DLGAP4: variants seen among roughly 807,000 people sequenced by gnomAD.
DLGAP4 encodes the protein disks large-associated protein 4.
Under a neutral mutation model 86.9 loss-of-function variants are expected in DLGAP4, and 18 were observed. The observed-to-expected ratio is 0.21, with a 90% confidence interval of 0.14 to 0.31. The LOEUF (loss-of-function observed/expected upper bound fraction) is 0.31, where lower values mean the gene tolerates loss of function less well. Ranked by LOEUF, DLGAP4 falls within the 10% of genes least tolerant of loss-of-function variation. The probability of loss-of-function intolerance (pLI) is 1.00; values close to 1 mark genes in which losing one functional copy is unlikely to be tolerated. For missense variants in DLGAP4, 1,085 were observed against 1,362.6 expected (o/e 0.80, Z 3.21); for synonymous variants, 548 against 574.3 (o/e 0.95, Z 0.65).
chr20:36,347,320 G>A (rs2029976315), intron 1 of DLGAP4, among the ~76,000 whole-genome samples: 1 of 152,180 alleles, frequency 6.6e-6, no homozygotes, highest in Non-Finnish European at 1.5e-5. Flanking sequence ...GGGCTTAGAG[G>A]GAGGAAAGAT....
intron 2 of DLGAP4, among the ~76,000 whole-genome samples, chr20:36,379,155 C>A (rs931611834): frequency 1.1e-4 from 17 of 152,142 alleles, no homozygotes; most frequent in Admixed American, 1.0e-3. Context: ...TCCTCTCAAG[C>A]ACACACTGGA....
At position 36,338,086 on chromosome 20, in the gene DLGAP4, C is replaced by T. The variant is rs116961470; in HGVS notation, c.-303-28959C>T. On this transcript the variant is annotated intron_variant, in intron 1 of 12. Transcript: ENST00000339266. ...CTGTGCCCCTGAACCTCATGGTCCT[C>T]AGCTGCCCAGGAAGCTGGGAAGGTT... Among the ~76,000 whole-genome samples the T allele has an allele frequency of 3.5e-3, 526 of 152,326 alleles. 2 individuals carry two copies. Among genetic ancestry groups the T allele is most frequent in the Admixed American group, 5.5e-3 (84 of 15,308 alleles).
intron 1 of DLGAP4, among the ~76,000 whole-genome samples, chr20:36,319,535 A>G (rs1555890310): frequency 2.6e-5 from 4 of 152,176 alleles, no homozygotes; most frequent in African/African-American, 9.7e-5. Flanking sequence ...AGCTCACAGA[A>G]GGGCCAGCCT....
intron 2 of DLGAP4, among the ~76,000 whole-genome samples, chr20:36,415,134 C>T (rs2032615834): frequency 6.6e-6 from 1 of 152,104 alleles, no homozygotes; most frequent in African/African-American, 2.4e-5. Flanking sequence ...GGCATGATGG[C>T]ACATGCCTGT....
At chr20:36,404,920 C>G (rs1333540455) in intron 2 of DLGAP4, among the ~76,000 whole-genome samples, 1 of 152,152 alleles carries the variant, frequency 6.6e-6, no homozygotes, top group Non-Finnish European at 1.5e-5. Flanking sequence ...TGGAGGGAGG[C>G]AGCTGCGGTC....
At chr20:36,409,965 C>A (rs1285267281) in intron 2 of DLGAP4, among the ~76,000 whole-genome samples, 1 of 148,556 alleles carries the variant, frequency 6.7e-6, no homozygotes, top group South Asian at 2.2e-4. Flanking sequence ...ACCCGGGAGG[C>A]GGAGCTTGCA....
intron 8 of DLGAP4, 95 bp from the exon 9 acceptor site, chr20:36,499,493 C>A: frequency 7.1e-7 from 1 of 1,417,900 alleles, no homozygotes; most frequent in Non-Finnish European, 9.8e-7. Flanking sequence ...CCGTTTGCGT[C>A]GTCCCACTAA....
chr20:36,527,188 T>C lies in DLGAP4; in HGVS notation c.*157T>C, dbSNP rs1456318954. On this transcript the variant is annotated 3_prime_UTR_variant, in exon 13 of 13. Coordinates refer to ENST00000339266, the MANE Select transcript of DLGAP4 (RefSeq NM_001365621.2). ...GCATACAAGGGCTCACAATTTGGCT[T>C]TTTTGGGTCCCTCCCAGCTTTAGGT... 1 of 643,246 alleles carries C rather than the reference T, an allele frequency of 1.6e-6. No homozygotes were observed. The highest frequency in any genetic ancestry group is 3.0e-5 in the East Asian group (1 of 32,964). 39.8% of individuals were successfully genotyped at this position (643,246 alleles called of 1,614,324 possible). A position where few individuals can be genotyped will look rare whatever the true frequency, so the allele number is the denominator to read the frequency against.
intron 1 of DLGAP4, among the ~76,000 whole-genome samples, chr20:36,317,544 T>C (rs1196302469): frequency 2.0e-4 from 30 of 148,806 alleles, no homozygotes; most frequent in African/African-American, 7.5e-4. Flanking sequence ...GCCTTGAACT[T>C]CTGGGATCGA....
At chr20:36,445,411 G>A (rs2033564556) in intron 6 of DLGAP4, among the ~76,000 whole-genome samples, 1 of 152,202 alleles carries the variant, frequency 6.6e-6, no homozygotes, top group Non-Finnish European at 1.5e-5. Context: ...GGCTGAGGCA[G>A]AAGAATTGCT....
chr20:36,339,383 T>C (rs1569462168), intron 1 of DLGAP4, among the ~76,000 whole-genome samples: 1 of 150,956 alleles, frequency 6.6e-6, no homozygotes, highest in African/African-American at 2.5e-5. Context: ...CCACTGCACC[T>C]GGCCTGTTTT....
intron 4 of DLGAP4, among the ~76,000 whole-genome samples, chr20:36,438,703 CTTTTTTTTTTTT>C (rs35909803): frequency 1.4e-5 from 1 of 69,530 alleles, no homozygotes; most frequent in Non-Finnish European, 3.1e-5. Context: ...GTTTCCCCAT[CTTTTTTTTTTTT>C]TTTTTTTTTT....
intron 7 of DLGAP4, among the ~76,000 whole-genome samples, chr20:36,464,905 C>T (rs145690706): frequency 4.1e-4 from 62 of 151,996 alleles, no homozygotes; most frequent in African/African-American, 1.5e-3. Flanking sequence ...GGTTTCAGAA[C>T]CACAAACGCC....
intron 2 of DLGAP4, among the ~76,000 whole-genome samples, chr20:36,424,741 T>G (rs1371632049): frequency 1.3e-5 from 2 of 148,208 alleles, no homozygotes; most frequent in Admixed American, 6.7e-5. Flanking sequence ...TTTGTTTGTT[T>G]TTTTTTTTTT....
At chr20:36,508,740 T>C (rs895346878) in intron 10 of DLGAP4, 2 of 152,252 alleles carry the variant, frequency 1.3e-5, no homozygotes, top group Admixed American at 6.5e-5. Context: ...TTTTGGTGTT[T>C]TCAGCGTTTC....
chr20:36,361,641 G>A (rs2030524016), intron 1 of DLGAP4, among the ~76,000 whole-genome samples: 1 of 152,098 alleles, frequency 6.6e-6, no homozygotes, highest in Non-Finnish European at 1.5e-5. Flanking sequence ...GGGGATCAAG[G>A]GGAGGGGATT....
intron 6 of DLGAP4, among the ~76,000 whole-genome samples, chr20:36,443,331 C>A (rs1301869163): frequency 6.6e-6 from 1 of 152,158 alleles, no homozygotes; most frequent in Non-Finnish European, 1.5e-5. Flanking sequence ...ACATTCCTAT[C>A]CTGCCCCTGG....
chr20:36,516,000 C>T (rs1241697942), intron 10 of DLGAP4, among the ~76,000 whole-genome samples: 1 of 152,198 alleles, frequency 6.6e-6, no homozygotes, highest in Admixed American at 6.5e-5. Context: ...ATCTTCTCAA[C>T]TGTCAGAGTG....
intron 2 of DLGAP4, among the ~76,000 whole-genome samples, chr20:36,406,363 A>G (rs1299896420): frequency 7.0e-6 from 1 of 143,712 alleles, no homozygotes. Flanking sequence ...GCGCCACTGC[A>G]CTCCAACCTG....
Sources: gnomAD v4.1 joint callset for allele counts (sites outside exome capture counted in the v4.1 genomes callset) on GRCh38, gnomAD v4.1.1 for gene constraint, MANE v1.5 for transcripts, NCBI Gene and HGNC (gene_info 2026-07-23, HGNC 2026-07-21) for gene names.